Variants in CSNK1G1 observed in about 807,000 individuals in gnomAD.
The protein encoded by CSNK1G1 is casein kinase 1 gamma 1.
In CSNK1G1, 22 loss-of-function variants were observed where a neutral mutation model predicts 59.6. The ratio of observed to expected loss-of-function variants is 0.37; its 90% CI spans 0.26 to 0.53. The LOEUF (loss-of-function observed/expected upper bound fraction) is 0.53, where lower values mean the gene tolerates loss of function less well. Ranked by LOEUF, CSNK1G1 falls within the 20% of genes least tolerant of loss-of-function variation. The pLI is 0.89. For missense variants in CSNK1G1, 384 were observed against 519.5 expected (o/e 0.74, Z 2.54); for synonymous variants, 179 against 177.1 (o/e 1.01, Z -0.08).
intron 1 of CSNK1G1, among the ~76,000 whole-genome samples, chr15:64,340,314 C>A (rs1183679782): frequency 6.6e-6 from 1 of 152,110 alleles, no homozygotes; most frequent in Non-Finnish European, 1.5e-5. Context: ...ATAGCTCTGT[C>A]TTGTTGTGTT....
chr15:64,355,344 G>A (rs1329589131), intron 1 of CSNK1G1, among the ~76,000 whole-genome samples: 1 of 152,180 alleles, frequency 6.6e-6, no homozygotes, highest in Non-Finnish European at 1.5e-5. Flanking sequence ...GTCATTTAGG[G>A]GCAACAAACC....
At chr15:64,293,601 A>G (rs1468545791) in intron 2 of CSNK1G1, among the ~76,000 whole-genome samples, 1 of 152,244 alleles carries the variant, frequency 6.6e-6, no homozygotes, top group Non-Finnish European at 1.5e-5. Flanking sequence ...ATGTAGTCTA[A>G]GAAATTAAAC....
At chr15:64,354,303 T>TCAAA (rs565576832) in intron 1 of CSNK1G1, among the ~76,000 whole-genome samples, 22 of 152,256 alleles carry the variant, frequency 1.4e-4, no homozygotes, top group East Asian at 1.2e-3. Context: ...AGACTCTGTC[T>TCAAA]CAAACAAACA....
chr15:64,348,423 A>C (rs1898092891), intron 1 of CSNK1G1: 1 of 152,218 alleles, frequency 6.6e-6, no homozygotes, highest in South Asian at 2.1e-4. Context: ...AGAGAAGCAC[A>C]CTGAACTCTA....
chr15:64,234,151 T>TGC (rs1276429124), intron 4 of CSNK1G1, among the ~76,000 whole-genome samples: 2 of 152,200 alleles, frequency 1.3e-5, no homozygotes, highest in Non-Finnish European at 2.9e-5. Context: ...ATTTAAGTTC[T>TGC]GCTCCCTAAG....
At chr15:64,302,122 A>G (rs1489854997) in intron 1 of CSNK1G1, among the ~76,000 whole-genome samples, 1 of 152,016 alleles carries the variant, frequency 6.6e-6, no homozygotes, top group African/African-American at 2.4e-5. Flanking sequence ...TATTTTTGAG[A>G]TGGAATTTCG....
chr15:64,177,711 C>T (rs2081758008), intron 11 of CSNK1G1, among the ~76,000 whole-genome samples: 1 of 152,138 alleles, frequency 6.6e-6, no homozygotes, highest in African/African-American at 2.4e-5. Flanking sequence ...TGAATGAGCC[C>T]ATATCTTACA....
chr15:64,183,041 T>C (rs1462390463), intron 10 of CSNK1G1, among the ~76,000 whole-genome samples: 1 of 152,306 alleles, frequency 6.6e-6, no homozygotes, highest in Non-Finnish European at 1.5e-5. Context: ...ACAGGAAACA[T>C]AGTAAGTTTC....
chr15:64,345,845 G>A (rs1316973219), intron 1 of CSNK1G1, among the ~76,000 whole-genome samples: 1 of 152,060 alleles, frequency 6.6e-6, no homozygotes, highest in Non-Finnish European at 1.5e-5. Flanking sequence ...AGGCTGGAGT[G>A]CAGTGGCACA....
In CSNK1G1 at chr15:64,226,584, C is replaced by CA. The variant is rs544166134; in HGVS notation, c.293-9872dup. On this transcript the variant is annotated intron_variant, in intron 4 of 11. Coordinates refer to ENST00000303052, the MANE Select transcript of CSNK1G1 (RefSeq NM_022048.5). Reference sequence around the variant, plus strand: ...CAAACAAACAAACAAACAAACAAACCAAAAAAAAAAAAGGAGACTAACTCA... The same window carrying CA: ...CAAACAAACAAACAAACAAACAAACCAAAAAAAAAAAAAGGAGACTAACTCA... Among the ~76,000 whole-genome samples, 1,011 of 118,842 alleles carry CA rather than the reference C, an allele frequency of 8.5e-3. 6 individuals carry two copies. Among genetic ancestry groups the CA allele is most frequent in the Non-Finnish European group, 8.5e-3 (482 of 56,440 alleles). 78.0% of individuals were successfully genotyped at this position (118,842 alleles called of 152,430 possible). A position where few individuals can be genotyped will look rare whatever the true frequency, so the allele number is the denominator to read the frequency against.
At chr15:64,221,097 A>T (rs983968109) in intron 4 of CSNK1G1, among the ~76,000 whole-genome samples, 2 of 152,294 alleles carry the variant, frequency 1.3e-5, no homozygotes, top group African/African-American at 4.8e-5. Context: ...AGCTACTTGT[A>T]TTTGGATTTT....
intron 2 of CSNK1G1, among the ~76,000 whole-genome samples, chr15:64,278,744 G>C (rs771149818): frequency 6.6e-6 from 1 of 152,090 alleles, no homozygotes. Flanking sequence ...AGATTTTTAT[G>C]TAAAATTAGG....
chr15:64,180,078 T>C (rs2081791909), intron 11 of CSNK1G1: 2 of 383,096 alleles, frequency 5.2e-6, no homozygotes, highest in Admixed American at 3.7e-5. Context: ...TCATGGCTAC[T>C]ATCCACTGTA....
At chr15:64,185,222 C>G (rs2081875681) in intron 10 of CSNK1G1, among the ~76,000 whole-genome samples, 1 of 152,216 alleles carries the variant, frequency 6.6e-6, no homozygotes, top group Non-Finnish European at 1.5e-5. Context: ...AGATTCTGCA[C>G]TCCCTCCCAG....
intron 1 of CSNK1G1, chr15:64,315,694 C>T (rs1234482521): frequency 1.3e-5 from 2 of 152,270 alleles, no homozygotes; most frequent in African/African-American, 4.8e-5. Context: ...TGCTTGCCCA[C>T]TCACTTACCC....
intron 1 of CSNK1G1, among the ~76,000 whole-genome samples, chr15:64,318,694 T>C (rs1896400752): frequency 6.6e-6 from 1 of 151,284 alleles, no homozygotes; most frequent in Admixed American, 6.6e-5. Context: ...CACTGCAACC[T>C]CCGCCTCCCA....
At chr15:64,185,125 A>G (rs2081874023) in intron 10 of CSNK1G1, among the ~76,000 whole-genome samples, 1 of 152,236 alleles carries the variant, frequency 6.6e-6, no homozygotes, top group Non-Finnish European at 1.5e-5. Flanking sequence ...GAAATACTGG[A>G]AGGATGAGAA....
At chr15:64,276,865 T>A (rs1438295350) in intron 2 of CSNK1G1, among the ~76,000 whole-genome samples, 1 of 148,288 alleles carries the variant, frequency 6.7e-6, no homozygotes, top group East Asian at 2.0e-4. Flanking sequence ...GAGAATGGTG[T>A]GAACCCGGGA....
intron 10 of CSNK1G1, chr15:64,193,849 A>G (rs1229806590): frequency 2.0e-5 from 3 of 152,184 alleles, no homozygotes; most frequent in Admixed American, 2.0e-4. Context: ...TGGTTTATCT[A>G]GATAGGATTA....
Sources: allele counts gnomAD v4.1 joint callset (sites outside exome capture counted in the v4.1 genomes callset), GRCh38; gene constraint gnomAD v4.1.1; transcripts MANE v1.5; gene names NCBI Gene and HGNC (gene_info 2026-07-23, HGNC 2026-07-21).